MAP2K4: variants seen among roughly 807,000 people sequenced by gnomAD.
The protein encoded by MAP2K4 is dual specificity mitogen-activated protein kinase kinase 4.
Under a neutral mutation model 48.5 loss-of-function variants are expected in MAP2K4, and 4 were observed. That is an observed-to-expected ratio of 0.08 (90% CI 0.04 to 0.19). MAP2K4 has a LOEUF of 0.19. Among genes scored for constraint, MAP2K4 ranks in the 10% least tolerant of loss-of-function variants. The pLI is 1.00. For missense variants in MAP2K4, 258 were observed against 493.3 expected (o/e 0.52, Z 4.52); for synonymous variants, 166 against 173.1 (o/e 0.96, Z 0.32).
At position 12,085,003 on chromosome 17, in the gene MAP2K4, A is replaced by G. The variant is rs1971313355; in HGVS notation, c.393+3473A>G. ...GGCTGACAGAGGGAAGAATGACTGT[A>G]AGCCTCTGATGCCTGACAGTATATT... On this transcript the variant is annotated intron_variant, in intron 3 of 10. Transcript: ENST00000353533. 2.0e-5 allele frequency among the ~76,000 whole-genome samples: 3 copies of G among 152,292 alleles called. No individual in the cohort carries two copies. In the South Asian group the frequency reaches 6.2e-4, roughly 32 times the overall value.
chr17:12,131,467 G>T (rs576644609), intron 9 of MAP2K4, among the ~76,000 whole-genome samples: 1 of 151,164 alleles, frequency 6.6e-6, no homozygotes, highest in Admixed American at 6.6e-5. Context: ...GGCTGATCTC[G>T]AACTTCTGAC....
chr17:12,029,382 A>T (rs958377327), intron 1 of MAP2K4, among the ~76,000 whole-genome samples: 18 of 152,220 alleles, frequency 1.2e-4, no homozygotes, highest in African/African-American at 4.1e-4. Context: ...AGATTTAATT[A>T]AACTTGCCTG....
At position 12,081,240 on chromosome 17, in the gene MAP2K4, G is replaced by A. The variant is rs1360349282; in HGVS notation, c.219-116G>A. 1.4e-6 allele frequency: 1 copy of A among 726,698 alleles called. No individual in the cohort carries two copies. The highest frequency in any genetic ancestry group is 1.8e-5 in the African/African-American group (1 of 55,538). 45.0% of individuals were successfully genotyped at this position (726,698 alleles called of 1,614,324 possible). ...AAATGAAAAACTTCAAAAACCTGGAGGTCAGACTATTTTAGTAATTTAGAA... is the reference window on the plus strand; with the variant it reads ...AAATGAAAAACTTCAAAAACCTGGAAGTCAGACTATTTTAGTAATTTAGAA... On this transcript the variant is annotated intron_variant, in intron 2 of 10. Transcript: ENST00000353533. This position sits in a 1 kb window ranked among gnomAD's most constrained non-coding sequence, Gnocchi z 4.2.
At chr17:12,071,263 C>T (rs908381909) in intron 2 of MAP2K4, among the ~76,000 whole-genome samples, 1 of 152,034 alleles carries the variant, frequency 6.6e-6, no homozygotes, top group Non-Finnish European at 1.5e-5. Flanking sequence ...GTGTATAGTT[C>T]ACCCTACTAC....
chr17:12,092,762 C>A (rs1368828661), intron 3 of MAP2K4, among the ~76,000 whole-genome samples: 1 of 152,208 alleles, frequency 6.6e-6, no homozygotes, highest in Non-Finnish European at 1.5e-5. Context: ...CACAGTGGCT[C>A]ACGCCTGTAA....
rs574202951 is a variant in MAP2K4 at position 12,039,547 on chromosome 17, T to C, written c.116-15342T>C. On this transcript the variant is annotated intron_variant, in intron 1 of 10. Transcript: ENST00000353533. ...AATACTTTAAAGCAAATTCTGATGA[T>C]CATTATTTTATCCACATAAATGTGT... Among the ~76,000 whole-genome samples the C allele has an allele frequency of 2.6e-5, 4 of 152,348 alleles. No homozygotes were observed. The South Asian group carries it at 8.3e-4, about 32-fold the overall frequency.
intron 7 of MAP2K4, among the ~76,000 whole-genome samples, chr17:12,117,434 C>G (rs1168559481): frequency 6.6e-6 from 1 of 152,002 alleles, no homozygotes; most frequent in African/African-American, 2.4e-5. Flanking sequence ...CCTTGTGGCC[C>G]CCTTTAGCTG....
intron 5 of MAP2K4, among the ~76,000 whole-genome samples, chr17:12,109,348 A>G (rs1444668246): frequency 6.6e-6 from 1 of 152,202 alleles, no homozygotes; most frequent in Non-Finnish European, 1.5e-5. Context: ...ATCACTTTAT[A>G]TATATTAAGC....
At chr17:12,082,985 T>C (rs1971241901) in intron 3 of MAP2K4, among the ~76,000 whole-genome samples, 1 of 152,268 alleles carries the variant, frequency 6.6e-6, no homozygotes, top group South Asian at 2.1e-4. Flanking sequence ...CCCTTTGTGC[T>C]ACCTGTGTGT....
intron 2 of MAP2K4, among the ~76,000 whole-genome samples, chr17:12,062,245 G>A (rs964224904): frequency 1.3e-5 from 2 of 152,022 alleles, no homozygotes; most frequent in Non-Finnish European, 2.9e-5. Context: ...CATTTTGGTA[G>A]AGTATATATT....
intron 1 of MAP2K4, among the ~76,000 whole-genome samples, chr17:12,034,418 C>G (rs1209303017): frequency 2.0e-5 from 3 of 152,190 alleles, no homozygotes; most frequent in African/African-American, 7.2e-5. Flanking sequence ...CCTTGATTGC[C>G]CTCACTGTCT....
At chr17:12,127,757 CA>C (rs1370400590) in intron 8 of MAP2K4, among the ~76,000 whole-genome samples, 9 of 152,294 alleles carry the variant, frequency 5.9e-5, no homozygotes, top group Admixed American at 1.3e-4. Flanking sequence ...TCTTGAAAAG[CA>C]TTTATAATTT....
intron 1 of MAP2K4, among the ~76,000 whole-genome samples, chr17:12,044,024 G>T (rs1418528782): frequency 1.3e-5 from 2 of 152,072 alleles, no homozygotes; most frequent in South Asian, 4.1e-4. Flanking sequence ...AGAGTTACCA[G>T]ACTCTTGCAC....
chr17:12,026,356 C>T (rs944046450), intron 1 of MAP2K4, among the ~76,000 whole-genome samples: 3 of 151,248 alleles, frequency 2.0e-5, no homozygotes, highest in African/African-American at 7.3e-5. Context: ...ATATCATAAT[C>T]CTAACTCCAT....
At chr17:12,125,546 A>G (rs1365709847) in intron 8 of MAP2K4, among the ~76,000 whole-genome samples, 175 bp downstream of exon 8, 1 of 152,194 alleles carries the variant, frequency 6.6e-6, no homozygotes, top group East Asian at 1.9e-4. Flanking sequence ...ATCAAATCAG[A>G]CTTGATTATT....
At chr17:12,031,295 C>A (rs894975411) in intron 1 of MAP2K4, among the ~76,000 whole-genome samples, 1 of 152,138 alleles carries the variant, frequency 6.6e-6, no homozygotes, top group Admixed American at 6.5e-5. Flanking sequence ...TTCTTAGAAT[C>A]CTAAGAATTT....
chr17:12,036,902 C>A (rs1432445978), intron 1 of MAP2K4, among the ~76,000 whole-genome samples: 2 of 125,160 alleles, frequency 1.6e-5, no homozygotes, highest in Non-Finnish European at 3.6e-5. Flanking sequence ...CCCCCCGCCA[C>A]CTTTTTTTTG....
At chr17:12,136,098 G>GC (rs1240256908) in intron 9 of MAP2K4, among the ~76,000 whole-genome samples, 3 of 152,022 alleles carry the variant, frequency 2.0e-5, no homozygotes, top group African/African-American at 7.2e-5. Flanking sequence ...TGCTCCTCTT[G>GC]CCCCCAGTTG....
chr17:12,095,806 T>C, intron 4 of MAP2K4, 112 bp downstream of exon 4: 1 of 1,241,290 alleles, frequency 8.1e-7, no homozygotes, highest in Non-Finnish European at 1.1e-6. Flanking sequence ...AGTTAATATC[T>C]CAGTATCTTA....
Sources: gnomAD v4.1 joint callset for allele counts (sites outside exome capture counted in the v4.1 genomes callset) on GRCh38, gnomAD v4.1.1 for gene constraint, Gnocchi (gnomAD v3.1) non-coding constraint, MANE v1.5 for transcripts, NCBI Gene and HGNC (gene_info 2026-07-23, HGNC 2026-07-21) for gene names.